Variants in MXI1 observed in about 807,000 individuals in gnomAD.
MXI1 encodes the protein max-interacting protein 1.
Under a neutral mutation model 36.9 loss-of-function variants are expected in MXI1, and 18 were observed. The ratio of observed to expected loss-of-function variants is 0.49; its 90% CI spans 0.34 to 0.72. The LOEUF (loss-of-function observed/expected upper bound fraction) is 0.72. Ranked by LOEUF, MXI1 falls within the 30% of genes least tolerant of loss-of-function variation. The pLI is 0.01. For missense variants in MXI1, 304 were observed against 379.1 expected (o/e 0.80, Z 1.64); for synonymous variants, 160 against 146.7 (o/e 1.09, Z -0.65).
At chr10:110,244,547 C>T (rs2134392598) in intron 2 of MXI1, among the ~76,000 whole-genome samples, 1 of 151,700 alleles carries the variant, frequency 6.6e-6, no homozygotes. Context: ...ATCTAGGATG[C>T]TAGAAGTAGG....
intron 3 of MXI1, among the ~76,000 whole-genome samples, chr10:110,275,744 T>C (rs976132925): frequency 1.1e-4 from 16 of 152,142 alleles, no homozygotes; most frequent in African/African-American, 3.9e-4. Flanking sequence ...CTTAAGGAAA[T>C]GACATGTATC....
chr10:110,208,386 C>A, intron 1 of MXI1: 1 of 223,466 alleles, frequency 4.5e-6, no homozygotes. Flanking sequence ...GACAACTGAG[C>A]CGAGAGCTCA....
chr10:110,209,010 C>A (rs1246376580), intron 1 of MXI1, among the ~76,000 whole-genome samples: 2 of 150,738 alleles, frequency 1.3e-5, no homozygotes, highest in African/African-American at 2.5e-5. Context: ...CCGCCCACCC[C>A]CAGATTCACG....
intron 2 of MXI1, among the ~76,000 whole-genome samples, chr10:110,242,989 C>A (rs1229041767): frequency 6.6e-6 from 1 of 151,896 alleles, no homozygotes; most frequent in African/African-American, 2.4e-5. Context: ...AACTTGCTCA[C>A]CAGTGGGGGT....
intron 3 of MXI1, among the ~76,000 whole-genome samples, chr10:110,250,130 T>C (rs960441737): frequency 3.3e-5 from 5 of 152,022 alleles, no homozygotes; most frequent in African/African-American, 1.2e-4. Flanking sequence ...GTTTCAGGAC[T>C]GATAGAGAAA....
At chr10:110,257,766 T>C in intron 3 of MXI1, 1 of 296,300 alleles carries the variant, frequency 3.4e-6, no homozygotes, top group Non-Finnish European at 6.7e-6. Flanking sequence ...GCCTGCTCTA[T>C]CCAGAGACGC....
intron 1 of MXI1, chr10:110,226,242 G>A (rs1164039957): frequency 5.3e-6 from 8 of 1,500,114 alleles, no homozygotes; most frequent in East Asian, 2.7e-5. Context: ...AACGTGCAGC[G>A]TCTGCTGGAG....
At chr10:110,262,589 TAAAA>T (rs1002637936) in intron 3 of MXI1, among the ~76,000 whole-genome samples, 3 of 151,028 alleles carry the variant, frequency 2.0e-5, no homozygotes, top group Non-Finnish European at 4.4e-5. Flanking sequence ...TTTGTGAACT[TAAAA>T]AAAGATTTTT....
At chr10:110,266,938 A>G (rs927829325) in intron 3 of MXI1, among the ~76,000 whole-genome samples, 2 of 152,244 alleles carry the variant, frequency 1.3e-5, no homozygotes, top group Admixed American at 6.5e-5. Flanking sequence ...AGAAAAATAT[A>G]TGTTTAATAG....
At chr10:110,232,438 C>T (rs1855308428) in intron 2 of MXI1, among the ~76,000 whole-genome samples, 1 of 152,176 alleles carries the variant, frequency 6.6e-6, no homozygotes, top group South Asian at 2.1e-4. Context: ...AGGAATGTTT[C>T]CTCATCTGCC....
chr10:110,259,178 C>T (rs972308452), intron 3 of MXI1, among the ~76,000 whole-genome samples: 1 of 151,936 alleles, frequency 6.6e-6, no homozygotes, highest in Non-Finnish European at 1.5e-5. Context: ...TTGCAGAGTG[C>T]CTAACTTAAG....
At chr10:110,244,077 T>C (rs1855769582) in intron 2 of MXI1, among the ~76,000 whole-genome samples, 1 of 152,068 alleles carries the variant, frequency 6.6e-6, no homozygotes, top group East Asian at 1.9e-4. Flanking sequence ...GTTTTAGGGA[T>C]AAAATAAGAT....
At chr10:110,209,573 C>A (rs577325397) in intron 1 of MXI1, among the ~76,000 whole-genome samples, 1 of 152,188 alleles carries the variant, frequency 6.6e-6, no homozygotes, top group Non-Finnish European at 1.5e-5. Flanking sequence ...TCTCTTCTCG[C>A]CTGTTTTCCC....
chr10:110,276,801 GT>G (rs1017492106), intron 3 of MXI1, among the ~76,000 whole-genome samples: 5 of 149,922 alleles, frequency 3.3e-5, no homozygotes, highest in African/African-American at 9.8e-5. Context: ...TGATGTGAAA[GT>G]TTATGGAATC....
chr10:110,255,250 C>G (rs1200883007), intron 3 of MXI1, among the ~76,000 whole-genome samples: 1 of 152,190 alleles, frequency 6.6e-6, no homozygotes, highest in Non-Finnish European at 1.5e-5. Flanking sequence ...AATGACAGCA[C>G]ATTGTTTATA....
chr10:110,272,757 T>A (rs1247242564), intron 3 of MXI1, among the ~76,000 whole-genome samples: 1 of 151,278 alleles, frequency 6.6e-6, no homozygotes, highest in African/African-American at 2.4e-5. Context: ...TGTTAATATT[T>A]CTATTTGATT....
At chr10:110,238,817 A>C (rs1350838159) in intron 2 of MXI1, among the ~76,000 whole-genome samples, 2 of 152,134 alleles carry the variant, frequency 1.3e-5, no homozygotes, top group Non-Finnish European at 2.9e-5. Context: ...AAATTTGTTC[A>C]TATCATCTAA....
rs967188038 is a variant in MXI1, at chr10:110,223,098, C to G, written c.275-5091C>G. 2.6e-5 allele frequency among the ~76,000 whole-genome samples: 4 copies of G among 152,276 alleles called. No homozygotes were observed. The East Asian group carries it at 7.7e-4, about 29-fold the overall frequency. On this transcript the variant is annotated intron_variant, in intron 1 of 5. Coordinates refer to ENST00000332674, the MANE Select transcript of MXI1 (RefSeq NM_130439.3). Reference sequence around the variant, plus strand: ...CCTCATCTCCCTCTTGGCCATGGCTCTAGAAGAAGGGCTCTAGGTTAGTTC... The same window carrying G: ...CCTCATCTCCCTCTTGGCCATGGCTGTAGAAGAAGGGCTCTAGGTTAGTTC...
chr10:110,237,469 G>A (rs1229371079), intron 2 of MXI1, among the ~76,000 whole-genome samples: 1 of 151,912 alleles, frequency 6.6e-6, no homozygotes, highest in East Asian at 1.9e-4. Flanking sequence ...TTTTTATTCT[G>A]TTAATATGGA....
Sources: allele counts gnomAD v4.1 joint callset (sites outside exome capture counted in the v4.1 genomes callset), GRCh38; gene constraint gnomAD v4.1.1; transcripts MANE v1.5; gene names NCBI Gene and HGNC (gene_info 2026-07-23, HGNC 2026-07-21).